ROBO2: variants seen among roughly 807,000 people sequenced by gnomAD.
The protein encoded by ROBO2 is roundabout homolog 2.
In ROBO2, 53 loss-of-function variants were observed where a neutral mutation model predicts 160.8. The ratio of observed to expected loss-of-function variants is 0.33; its 90% confidence interval spans 0.26 to 0.41. The LOEUF is 0.41. ROBO2 is among the 10% of genes least tolerant of loss of function. The probability of loss-of-function intolerance (pLI) is 1.00; values close to 1 mark genes in which losing one functional copy is unlikely to be tolerated. For synonymous variants in ROBO2, 664 were observed against 611.7 expected, an observed-to-expected ratio of 1.09 and a Z score of -1.26; for missense variants, 1,577 against 1,722.4, an observed-to-expected ratio of 0.92 and a Z score of 1.49.
chr3:76,259,622 C>T (rs1399693492), intron 2 of ROBO2, among the ~76,000 whole-genome samples: 1 of 152,100 alleles, frequency 6.6e-6, no homozygotes, highest in Admixed American at 6.6e-5. Context: ...CATTTGTTTA[C>T]TGTTCAGTAT....
intron 2 of ROBO2, among the ~76,000 whole-genome samples, chr3:77,385,788 G>A (rs1023151785): frequency 2.6e-5 from 4 of 152,104 alleles, no homozygotes; most frequent in African/African-American, 7.2e-5. Flanking sequence ...CCTGCCTTAA[G>A]TAAAGACACT....
chr3:77,293,654 C>G (rs553175242), intron 2 of ROBO2, among the ~76,000 whole-genome samples: 1 of 132,330 alleles, frequency 7.6e-6, no homozygotes, highest in South Asian at 2.4e-4. Flanking sequence ...GCTAGATCAC[C>G]CAGACATAAA....
chr3:76,231,654 T>C (rs555549648), intron 2 of ROBO2, among the ~76,000 whole-genome samples: 58 of 152,346 alleles, frequency 3.8e-4, no homozygotes, highest in African/African-American at 1.3e-3. Flanking sequence ...GGTGACTTTA[T>C]TATTTAATAA....
At chr3:76,996,227 G>T (rs1301036647) in intron 2 of ROBO2, among the ~76,000 whole-genome samples, 1 of 152,110 alleles carries the variant, frequency 6.6e-6, no homozygotes, top group Non-Finnish European at 1.5e-5. Flanking sequence ...CCCATTTCTT[G>T]TTTTTGTCAG....
chr3:77,164,900 C>G (rs2078902349), intron 2 of ROBO2, among the ~76,000 whole-genome samples: 1 of 107,478 alleles, frequency 9.3e-6, no homozygotes, highest in African/African-American at 3.1e-5. Context: ...GGGGTCAGCC[C>G]CCCGCCCGGC....
At chr3:76,243,500 A>T (rs1186379053) in intron 2 of ROBO2, among the ~76,000 whole-genome samples, 1 of 152,230 alleles carries the variant, frequency 6.6e-6, no homozygotes, top group East Asian at 1.9e-4. Context: ...GAGAAAACAC[A>T]GTAGTACCCA....
rs568989333 is a variant in ROBO2 at position 77,043,639 on chromosome 3, T to G, written c.61+2793T>G. Among the ~76,000 whole-genome samples the G allele has an allele frequency of 3.9e-5, 6 of 152,280 alleles. No homozygotes were observed. The East Asian group carries it at 1.2e-3, about 29-fold the overall frequency. On this transcript the variant is annotated intron_variant, in intron 1 of 25. Coordinates refer to ENST00000461745, the Ensembl canonical transcript of ROBO2. Reference sequence around the variant, plus strand: ...CTGTATGATCATATAGGAGAATGTATGTTAAGGTTAGCCTTTGTTTTCCAG... The same window carrying G: ...CTGTATGATCATATAGGAGAATGTAGGTTAAGGTTAGCCTTTGTTTTCCAG...
chr3:77,135,257 G>T (rs2076185766), intron 2 of ROBO2, among the ~76,000 whole-genome samples: 1 of 152,142 alleles, frequency 6.6e-6, no homozygotes, highest in Admixed American at 6.5e-5. Context: ...TATGAAGAGT[G>T]ATGTATAGAG....
chr3:76,964,651 T>C (rs902614818), intron 2 of ROBO2, among the ~76,000 whole-genome samples: 1 of 152,210 alleles, frequency 6.6e-6, no homozygotes, highest in Non-Finnish European at 1.5e-5. Context: ...GTTAGCGAAG[T>C]AAAATAATAA....
At chr3:76,398,707 G>C (rs2077629987) in intron 2 of ROBO2, among the ~76,000 whole-genome samples, 1 of 151,284 alleles carries the variant, frequency 6.6e-6, no homozygotes, top group African/African-American at 2.4e-5. Context: ...TAATAGTTTA[G>C]TATATTCTAA....
chr3:76,159,303 C>T (rs1320921690), intron 2 of ROBO2, among the ~76,000 whole-genome samples: 1 of 152,174 alleles, frequency 6.6e-6, no homozygotes, highest in Non-Finnish European at 1.5e-5. Context: ...CATCCTTGGA[C>T]AGAAAGAAAC....
rs538316609 is a variant in ROBO2, at chr3:76,478,249, A to G, written c.109+540647A>G. Among the ~76,000 whole-genome samples, 20 of 138,084 alleles carry G rather than the reference A, an allele frequency of 1.4e-4. No homozygotes were observed. In the East Asian group the frequency reaches 3.4e-3, roughly 23 times the overall value. 90.6% of individuals were successfully genotyped at this position (138,084 alleles called of 152,430 possible). On this transcript the variant is annotated intron_variant, in intron 2 of 26. Coordinates refer to the ROBO2 transcript ENST00000487694. ...TGTGTCCATGTGTTCTTATTGTTCA[A>G]TTCCCACCTATGAGTGAGAATATGC...
chr3:76,930,734 C>A (rs977139713), intron 2 of ROBO2, among the ~76,000 whole-genome samples: 1 of 152,188 alleles, frequency 6.6e-6, no homozygotes, highest in African/African-American at 2.4e-5. Context: ...TGTCAGATGG[C>A]AAGAGAAAAT....
At chr3:77,166,993 T>TA (rs1346885415) in intron 2 of ROBO2, among the ~76,000 whole-genome samples, 2 of 152,216 alleles carry the variant, frequency 1.3e-5, no homozygotes, top group African/African-American at 4.8e-5. Context: ...TTCTTGCACT[T>TA]ACATGGTTCA....
At chr3:76,691,149 A>G (rs886445331) in intron 2 of ROBO2, among the ~76,000 whole-genome samples, 5 of 152,096 alleles carry the variant, frequency 3.3e-5, no homozygotes, top group Non-Finnish European at 1.5e-5. Context: ...GGATTCATTC[A>G]TTATCTTGGG....
intron 2 of ROBO2, among the ~76,000 whole-genome samples, chr3:77,356,217 C>T (rs896408943): frequency 6.6e-6 from 1 of 152,054 alleles, no homozygotes. Context: ...AAAGAGTGAG[C>T]TAGATCATGG....
intron 2 of ROBO2, among the ~76,000 whole-genome samples, chr3:77,318,241 C>T (rs1482114315): frequency 1.3e-5 from 2 of 151,966 alleles, no homozygotes; most frequent in Non-Finnish European, 1.5e-5. Flanking sequence ...GCCATGTTGG[C>T]CCGGCTGGTC....
intron 2 of ROBO2, among the ~76,000 whole-genome samples, chr3:76,293,175 A>G (rs1052803088): frequency 2.0e-5 from 3 of 152,198 alleles, no homozygotes; most frequent in African/African-American, 7.2e-5. Flanking sequence ...CATTCGAACT[A>G]GAATACACTG....
rs116328614 is a variant in ROBO2, at chr3:76,841,881, C to A, written c.110-256133C>A. Reference sequence around the variant, plus strand: ...AGTTGTCTATTTGCTGCAGCTGATGCCGATCAGACTCCAAGGCGCAGTATG... The same window carrying A: ...AGTTGTCTATTTGCTGCAGCTGATGACGATCAGACTCCAAGGCGCAGTATG... On this transcript the variant is annotated intron_variant, in intron 2 of 26. Transcript: ENST00000487694. Among the ~76,000 whole-genome samples the A allele has an allele frequency of 8.1e-3, 1,227 of 152,236 alleles. 24 individuals are homozygous for A. The highest frequency in any genetic ancestry group is 0.027 in the African/African-American group (1,134 of 41,520).
Sources: allele counts gnomAD v4.1 joint callset (sites outside exome capture counted in the v4.1 genomes callset), GRCh38; gene constraint gnomAD v4.1.1; transcripts MANE v1.5; gene names NCBI Gene and HGNC (gene_info 2026-07-23, HGNC 2026-07-21).